The following PDE4D variants were observed in gnomAD, a reference collection of about 807,000 sequenced individuals.
PDE4D encodes the protein 3',5'-cyclic-AMP phosphodiesterase 4D.
PDE4D carries 24 observed loss-of-function variants against 87.4 expected under a neutral mutation model. The ratio of observed to expected loss-of-function variants is 0.27; its 90% CI spans 0.20 to 0.39. PDE4D has a LOEUF of 0.39. PDE4D is among the 10% of genes least tolerant of loss of function. The pLI is 1.00. For synonymous variants in PDE4D, 384 were observed against 383.2 expected (o/e 1.00, Z -0.02); for missense variants, 714 against 1,041.0 (o/e 0.69, Z 4.32).
intron 2 of PDE4D, among the ~76,000 whole-genome samples, chr5:60,086,494 C>T (rs1289297579): frequency 6.6e-6 from 1 of 152,100 alleles, no homozygotes; most frequent in Non-Finnish European, 1.5e-5. Context: ...TATTCCCATT[C>T]AGTAGAGAGA....
At chr5:59,272,127 T>C (rs561659259) in intron 1 of PDE4D, among the ~76,000 whole-genome samples, 1 of 152,190 alleles carries the variant, frequency 6.6e-6, no homozygotes. Context: ...GTAGCATCTC[T>C]TTTATTTTCA....
At chr5:59,199,713 C>T (rs1746311133) in intron 2 of PDE4D, among the ~76,000 whole-genome samples, 2 of 151,910 alleles carry the variant, frequency 1.3e-5, no homozygotes, top group African/African-American at 4.8e-5. Context: ...TATTTGACAA[C>T]ACCCAAGGAT....
At chr5:59,686,142 G>A (rs1452339633) in intron 1 of PDE4D, among the ~76,000 whole-genome samples, 4 of 151,934 alleles carry the variant, frequency 2.6e-5, no homozygotes, top group African/African-American at 9.7e-5. Context: ...ACACTTCATA[G>A]GTATTTGTTC....
At chr5:59,984,688 C>T (rs543024988) in intron 3 of PDE4D, among the ~76,000 whole-genome samples, 94 of 152,228 alleles carry the variant, frequency 6.2e-4, no homozygotes, top group African/African-American at 2.2e-3. Flanking sequence ...CTGTCATCTA[C>T]GACACTTATT....
chr5:59,912,068 A>G (rs1163716074), intron 3 of PDE4D, among the ~76,000 whole-genome samples: 5 of 152,314 alleles, frequency 3.3e-5, no homozygotes, highest in African/African-American at 1.2e-4. Context: ...ATTTATGTTC[A>G]AATCCCAACT....
At chr5:59,796,461 A>G (rs1766491434) in intron 1 of PDE4D, among the ~76,000 whole-genome samples, 1 of 152,036 alleles carries the variant, frequency 6.6e-6, no homozygotes, top group East Asian at 1.9e-4. Flanking sequence ...CCTTTTACCA[A>G]CTCCGTGACC....
intron 1 of PDE4D, among the ~76,000 whole-genome samples, chr5:60,201,204 A>G (rs1291280756): frequency 7.1e-6 from 1 of 140,144 alleles, no homozygotes; most frequent in South Asian, 2.2e-4. Context: ...CCAAAAAGAA[A>G]GCAAAAAAAA....
chr5:59,496,778 T>G (rs1030081692), intron 1 of PDE4D, among the ~76,000 whole-genome samples: 1 of 152,118 alleles, frequency 6.6e-6, no homozygotes, highest in Non-Finnish European at 1.5e-5. Context: ...CCCTCTTCAG[T>G]GTACTGTTGC....
chr5:59,634,695 A>G (rs1832010372), intron 1 of PDE4D, among the ~76,000 whole-genome samples: 1 of 152,254 alleles, frequency 6.6e-6, no homozygotes, highest in Non-Finnish European at 1.5e-5. Flanking sequence ...TAATAAGAAC[A>G]AACATACAAT....
chr5:59,098,357 A>G (rs1770128563), intron 5 of PDE4D, among the ~76,000 whole-genome samples: 2 of 152,142 alleles, frequency 1.3e-5, no homozygotes, highest in South Asian at 4.1e-4. Context: ...TGAATTAGGC[A>G]TCTAGTAATG....
chr5:59,172,966 C>T (rs1783254189), intron 5 of PDE4D: 1 of 151,938 alleles, frequency 6.6e-6, no homozygotes, highest in Non-Finnish European at 1.5e-5. Context: ...GTACCAAGTA[C>T]TATGTTAAGC....
chr5:59,068,524 T>C (rs1764268862), intron 5 of PDE4D, among the ~76,000 whole-genome samples: 1 of 151,892 alleles, frequency 6.6e-6, no homozygotes, highest in Non-Finnish European at 1.5e-5. Flanking sequence ...TCCCGTGGAG[T>C]GTAGAGTCAA....
At chr5:60,167,981 A>G (rs1783083096) in intron 2 of PDE4D, among the ~76,000 whole-genome samples, 2 of 152,214 alleles carry the variant, frequency 1.3e-5, no homozygotes, top group Admixed American at 1.3e-4. Context: ...GTCTTCAACA[A>G]TAAATCTATC....
intron 1 of PDE4D, among the ~76,000 whole-genome samples, chr5:59,589,800 T>C (rs1024474263): frequency 2.6e-5 from 4 of 152,292 alleles, no homozygotes; most frequent in East Asian, 3.9e-4. Context: ...TACAAATGAT[T>C]TGGCCATTAA....
intron 1 of PDE4D, among the ~76,000 whole-genome samples, chr5:59,770,692 A>C (rs749964932): frequency 7.2e-5 from 11 of 152,212 alleles, no homozygotes; most frequent in Non-Finnish European, 1.6e-4. Context: ...AGGATAAGTG[A>C]GAAAAACTAA....
intron 2 of PDE4D, among the ~76,000 whole-genome samples, chr5:60,183,257 T>A (rs1353174229): frequency 6.6e-6 from 1 of 152,234 alleles, no homozygotes; most frequent in Non-Finnish European, 1.5e-5. Flanking sequence ...CCACCTAGTC[T>A]ATGGTATATT....
At chr5:59,094,369 A>C (rs1301445168) in intron 5 of PDE4D, among the ~76,000 whole-genome samples, 2 of 152,096 alleles carry the variant, frequency 1.3e-5, no homozygotes, top group Non-Finnish European at 2.9e-5. Context: ...AAAAAGACAA[A>C]AAAGGAAGAA....
chr5:59,480,750 C>T (rs1562261593), intron 1 of PDE4D, among the ~76,000 whole-genome samples: 2 of 152,160 alleles, frequency 1.3e-5, no homozygotes. Context: ...TCTGTTCACT[C>T]ATTCATTTAT....
intron 2 of PDE4D, among the ~76,000 whole-genome samples, chr5:60,022,382 G>A (rs1317756571): frequency 1.3e-5 from 2 of 152,022 alleles, no homozygotes; most frequent in Non-Finnish European, 2.9e-5. Context: ...GAAGAAATGG[G>A]GAAGTTAATT....
Sources: allele counts gnomAD v4.1 joint callset (sites outside exome capture counted in the v4.1 genomes callset), GRCh38; gene constraint gnomAD v4.1.1; transcripts MANE v1.5; gene names NCBI Gene and HGNC (gene_info 2026-07-23, HGNC 2026-07-21).